PPIL6: variants seen among roughly 807,000 people sequenced by gnomAD.
PPIL6 encodes the protein peptidylprolyl isomerase like 6, also known as probable inactive peptidyl-prolyl cis-trans isomerase-like 6.
A neutral mutation model predicts 36.8 loss-of-function variants in PPIL6; 39 were observed. That is an observed-to-expected ratio of 1.06 (90% CI 0.82 to 1.38). PPIL6 has a LOEUF of 1.38. Ranked by LOEUF, PPIL6 falls within the 40% of genes most tolerant of loss-of-function variation. The probability of loss-of-function intolerance (pLI) is 0.00; values close to 1 mark genes in which losing one functional copy is unlikely to be tolerated. For synonymous variants in PPIL6, 123 were observed against 134.1 expected (o/e 0.92, Z 0.57); for missense variants, 368 against 379.1 (o/e 0.97, Z 0.24).
At chr6:109,420,170 CA>C (rs755382735) in intron 5 of PPIL6, among the ~76,000 whole-genome samples, 11 of 150,846 alleles carry the variant, frequency 7.3e-5, no homozygotes, top group Non-Finnish European at 1.6e-4. Flanking sequence ...CTGTCTCCAC[CA>C]AAAATACAAA....
At chr6:109,441,049 CG>C, upstream of PPIL6, 1 of 1,511,170 alleles carries the variant, frequency 6.6e-7, no homozygotes, top group South Asian at 1.1e-5. Context: ...AAGGCGCCGC[CG>C]GCCGCCCCCG....
Position 109,392,722 on chromosome 6 carries a change from C to CGTGTCATCA in PPIL6, c.*103_*104insTGATGACAC. On this transcript the variant is annotated 3_prime_UTR_variant, in exon 8 of 8. Transcript: ENST00000521072. The stretch of plus-strand genomic sequence containing the variant: ...AGATGAGGCAACCTACAGTGTCTGC[C>CGTGTCATCA]ACGGCTTTCAAATTACAATTTATCA... 1 of 681,554 alleles carries CGTGTCATCA rather than the reference C, an allele frequency of 1.5e-6. No homozygotes were observed. Among genetic ancestry groups the CGTGTCATCA allele is most frequent in the South Asian group, 2.1e-5 (1 of 47,558 alleles). The allele number at this position is 681,554 out of a possible 1,614,324, so 42.2% of individuals were successfully genotyped here.
chr6:109,431,958 C>A (rs1352136197), intron 2 of PPIL6, among the ~76,000 whole-genome samples: 1 of 152,218 alleles, frequency 6.6e-6, no homozygotes, highest in African/African-American at 2.4e-5. Context: ...CAGTCCTCAA[C>A]CTTGGCCCAA....
intron 5 of PPIL6, among the ~76,000 whole-genome samples, chr6:109,424,354 CG>C (rs879770048): frequency 1.3e-5 from 2 of 151,936 alleles, no homozygotes; most frequent in Non-Finnish European, 2.9e-5. Context: ...TGTGTGCAAC[CG>C]AGTGTGTAAG....
In PPIL6 at chr6:109,440,615, AC is replaced by A. The variant is rs927090272; in HGVS notation, c.-26del. ...TGGCCGCGCCCGGGGACGCCCGGTG[AC>A]CCCAAACACTGCGCGTCGCTCCGGC... is the stretch of plus-strand genomic sequence containing the variant. On this transcript the variant is annotated 5_prime_UTR_variant, in exon 1 of 8. Coordinates refer to ENST00000521072, the MANE Select transcript of PPIL6 (RefSeq NM_173672.5). The A allele has an allele frequency of 8.1e-7, 1 of 1,233,200 alleles. No individual in the cohort carries two copies. The highest frequency in any genetic ancestry group is 4.4e-5 in the Admixed American group (1 of 22,808). 76.4% of individuals were successfully genotyped at this position (1,233,200 alleles called of 1,614,324 possible). A position where few individuals can be genotyped will look rare whatever the true frequency, so the allele number is the denominator to read the frequency against.
chr6:109,397,832 T>G (rs1772361277), intron 7 of PPIL6, among the ~76,000 whole-genome samples: 1 of 151,982 alleles, frequency 6.6e-6, no homozygotes, highest in Non-Finnish European at 1.5e-5. Flanking sequence ...GACAGAGATT[T>G]AAATGGTCCA....
chr6:109,423,400 A>C (rs1773652553), intron 5 of PPIL6, among the ~76,000 whole-genome samples: 1 of 151,800 alleles, frequency 6.6e-6, no homozygotes, highest in Non-Finnish European at 1.5e-5. Flanking sequence ...TTCAATAGGT[A>C]CTTTTTTTTT....
intron 2 of PPIL6, among the ~76,000 whole-genome samples, chr6:109,432,399 G>T (rs780211044): frequency 6.6e-6 from 1 of 152,006 alleles, no homozygotes. Flanking sequence ...CTAAATCTCC[G>T]GTGGGCTTGA....
intron 7 of PPIL6, among the ~76,000 whole-genome samples, chr6:109,394,235 TG>T (rs1772206471): frequency 6.6e-6 from 1 of 152,090 alleles, no homozygotes; most frequent in African/African-American, 2.4e-5. Flanking sequence ...TAACTGGGCT[TG>T]GTGGTGCACA....
chr6:109,409,566 CAA>C (rs760716812), intron 6 of PPIL6, among the ~76,000 whole-genome samples: 2 of 131,664 alleles, frequency 1.5e-5, no homozygotes. Context: ...GACTCCATCT[CAA>C]AAAAAAAAAA....
rs1359515842 is a variant in PPIL6, at chr6:109,391,654, T to A, written c.*1172A>T. The A allele has an allele frequency of 6.6e-6, 1 of 152,054 alleles. No individual in the cohort carries two copies. Among genetic ancestry groups the A allele is most frequent in the Admixed American group, 6.6e-5 (1 of 15,258 alleles). 9.4% of individuals were successfully genotyped at this position (152,054 alleles called of 1,614,324 possible). ...GTCTGTTAGGTTACATTTTAAAAGC[T>A]CCCCAGGTGATATGAGCTTGAGAAC... On this transcript the variant is annotated 3_prime_UTR_variant, in exon 8 of 8. Transcript: ENST00000521072.
intron 5 of PPIL6, among the ~76,000 whole-genome samples, chr6:109,426,607 T>C (rs1463930721): frequency 1.3e-5 from 2 of 152,330 alleles, no homozygotes; most frequent in East Asian, 3.8e-4. Context: ...TACTCTCCTA[T>C]GTCATTTTTG....
intron 6 of PPIL6, among the ~76,000 whole-genome samples, chr6:109,401,770 G>GC (rs1344791379): frequency 1.3e-5 from 2 of 149,286 alleles, no homozygotes; most frequent in East Asian, 3.9e-4. Context: ...TGTTGCCCAG[G>GC]CTGGAGTGCA....
intron 5 of PPIL6, among the ~76,000 whole-genome samples, chr6:109,422,442 A>G (rs1773599483): frequency 6.6e-6 from 1 of 152,210 alleles, no homozygotes; most frequent in Admixed American, 6.5e-5. Context: ...AACATTTTTA[A>G]AAATTTGCCA....
intron 5 of PPIL6, among the ~76,000 whole-genome samples, chr6:109,422,169 C>T (rs1024261964): frequency 1.3e-5 from 2 of 152,172 alleles, no homozygotes; most frequent in Non-Finnish European, 2.9e-5. Context: ...AGCCACCGTG[C>T]CTGGCCTACA....
chr6:109,392,657 T>A lies in PPIL6; in HGVS notation c.*169A>T. The stretch of plus-strand genomic sequence containing the variant: ...GAGTACCACCCTTTCACAGTCTCTA[T>A]GACAGAGACAGGAAAGGAAGATGGG... On this transcript the variant is annotated 3_prime_UTR_variant, in exon 8 of 8. Coordinates refer to ENST00000521072, the MANE Select transcript of PPIL6 (RefSeq NM_173672.5). 1.8e-6 allele frequency: 1 copy of A among 571,034 alleles called. No homozygotes were observed. Among genetic ancestry groups the A allele is most frequent in the South Asian group, 2.2e-5 (1 of 44,732 alleles). The allele number at this position is 571,034 out of a possible 1,614,324, so 35.4% of individuals were successfully genotyped here.
rs2115187271 is a variant in PPIL6 at position 109,391,793 on chromosome 6, A to G, written c.*1033T>C. On this transcript the variant is annotated 3_prime_UTR_variant, in exon 8 of 8. Coordinates refer to ENST00000521072, the MANE Select transcript of PPIL6 (RefSeq NM_173672.5). ...TTCATAGGGTTGGTATGGCTCAGAG[A>G]GATAAGGATGATGTTCATGTCATAT... 6.6e-6 allele frequency: 1 copy of G among 152,326 alleles called. No homozygotes were observed. Among genetic ancestry groups the G allele is most frequent in the African/African-American group, 2.4e-5 (1 of 41,586 alleles). The allele number at this position is 152,326 out of a possible 1,614,324, so 9.4% of individuals were successfully genotyped here.
Position 109,436,163 on chromosome 6 carries a change from G to A in PPIL6, c.172C>T (p.Pro58Ser). The A allele has an allele frequency of 6.3e-7, 1 of 1,582,308 alleles. No individual in the cohort carries two copies. Among genetic ancestry groups the A allele is most frequent in the Non-Finnish European group, 8.7e-7 (1 of 1,151,704 alleles). ...AATTCTTGAAGAGGAACTAATATAG[G>A]ATCTTCAAATTTGGATGGATGATTA... Reference protein sequence around the residue: ...KNNHPSKFEDPILVPLQEFAW... With the variant: ...KNNHPSKFEDSILVPLQEFAW... Residue 58 changes from proline to serine, a missense_variant, in exon 2 of 8, where the codon CCT (proline) becomes TCT (serine). By Grantham distance (74) the Pro-to-Ser change is moderately conservative (BLOSUM62 -1). Coordinates refer to ENST00000521072, the MANE Select transcript of PPIL6 (RefSeq NM_173672.5).
At chr6:109,409,073 A>C (rs1223582090) in intron 6 of PPIL6, among the ~76,000 whole-genome samples, 1 of 152,252 alleles carries the variant, frequency 6.6e-6, no homozygotes, top group East Asian at 1.9e-4. Flanking sequence ...AATGTATGCA[A>C]ATCAATCAAT....
Sources: gnomAD v4.1 joint callset for allele counts (sites outside exome capture counted in the v4.1 genomes callset) on GRCh38, gnomAD v4.1.1 for gene constraint, MANE v1.5 for transcripts, NCBI Gene and HGNC (gene_info 2026-07-23, HGNC 2026-07-21) for gene names.